Variants in NPAT observed in about 807,000 individuals in gnomAD.
NPAT encodes the protein nuclear protein, coactivator of histone transcription.
A neutral mutation model predicts 130.7 loss-of-function variants in NPAT; 52 were observed. The observed-to-expected ratio is 0.40, with a 90% CI of 0.32 to 0.50. The LOEUF (loss-of-function observed/expected upper bound fraction) is 0.50, where lower values mean the gene tolerates loss of function less well. Ranked by LOEUF, NPAT falls within the 20% of genes least tolerant of loss-of-function variation. The pLI, the probability that NPAT is intolerant of heterozygous loss-of-function variation, is 0.68. For missense variants in NPAT, 1,687 were observed against 1,662.6 expected (o/e 1.01, Z -0.26); for synonymous variants, 580 against 584.8 (o/e 0.99, Z 0.12).
At chr11:108,188,201 C>G (rs375359884) in intron 6 of NPAT, 22 bp from the exon 7 acceptor site, 1 of 1,574,558 alleles carries the variant, frequency 6.4e-7, no homozygotes, top group Non-Finnish European at 8.7e-7. Context: ...GAAAACATAA[C>G]AGTAAGCCAA....
At chr11:108,199,103 C>T (rs2078250835) in intron 1 of NPAT, among the ~76,000 whole-genome samples, 1 of 152,208 alleles carries the variant, frequency 6.6e-6, no homozygotes, top group Admixed American at 6.5e-5. Context: ...GCTCCCCTGC[C>T]ACCTCCGTTT....
chr11:108,162,273 A>T, intron 15 of NPAT, 93 bp from the exon 16 acceptor site: 1 of 1,144,948 alleles, frequency 8.7e-7, no homozygotes, highest in Non-Finnish European at 1.3e-6. Context: ...ATGAGAAAAA[A>T]TTTTAAATGG....
chr11:108,216,150 T>C lies in NPAT; in HGVS notation c.37+6350A>G, dbSNP rs557673126. 1.1e-4 allele frequency among the ~76,000 whole-genome samples: 16 copies of C among 152,364 alleles called. 1 individual carries two copies. Among genetic ancestry groups the C allele is most frequent in the African/African-American group, 3.6e-4 (15 of 41,584 alleles). On this transcript the variant is annotated intron_variant, in intron 1 of 17. Coordinates refer to ENST00000278612, the MANE Select transcript of NPAT (RefSeq NM_002519.3). Reference sequence around the variant, plus strand: ...GGACAGTTGGAGCTTTTTCCTCATATGCTTCAAGATTTAGATTGAACACCT... The same window carrying C: ...GGACAGTTGGAGCTTTTTCCTCATACGCTTCAAGATTTAGATTGAACACCT...
chr11:108,168,956 GC>G (rs1008361272), intron 15 of NPAT, among the ~76,000 whole-genome samples: 4 of 152,120 alleles, frequency 2.6e-5, no homozygotes, highest in African/African-American at 9.7e-5. Context: ...TATCCTTTGG[GC>G]AAAGGGGAGT....
In NPAT at chr11:108,176,306, T is replaced by C. The variant is rs2078005364; in HGVS notation, c.1072A>G (p.Ile358Val). Residue 358 changes from isoleucine to valine, a missense_variant, in exon 12 of 18, where the codon ATA becomes GTA. Physicochemically the swap from Ile to Val is conservative, Grantham distance 29. Around this residue, in one of 3 missense-constraint regions of NPAT, gnomAD observed 1,379 missense variants for 1,346.6 expected, o/e 1.02. Transcript: ENST00000278612. ...SSQPMESNPS[I>V]VLADETNLAV... Reference sequence around the variant, plus strand: ...AGATTAGTTTCATCTGCTAAGACTATACTGGGATTGGATTCCATAGGTTGA... The same window carrying C: ...AGATTAGTTTCATCTGCTAAGACTACACTGGGATTGGATTCCATAGGTTGA... The C allele has an allele frequency of 3.2e-6, 5 of 1,577,300 alleles. No individual in the cohort carries two copies. Among genetic ancestry groups the C allele is most frequent in the Non-Finnish European group, 4.4e-6 (5 of 1,146,674 alleles).
At chr11:108,169,592 T>C (rs1221173677) in intron 15 of NPAT, 152 bp downstream of exon 15, 2 of 668,384 alleles carry the variant, frequency 3.0e-6, no homozygotes, top group Admixed American at 4.6e-5. Flanking sequence ...TCAGTAACAG[T>C]TGGCTGCATT....
At chr11:108,200,152 T>C (rs759789057) in intron 1 of NPAT, among the ~76,000 whole-genome samples, 11 of 152,182 alleles carry the variant, frequency 7.2e-5, no homozygotes, top group African/African-American at 1.7e-4. Context: ...TGCGTTTAAG[T>C]TGTTTCCGCC....
chr11:108,205,622 T>C (rs1439649101), intron 1 of NPAT, among the ~76,000 whole-genome samples: 1 of 152,196 alleles, frequency 6.6e-6, no homozygotes, highest in Non-Finnish European at 1.5e-5. Context: ...TTAAAAATTG[T>C]ATGTTATCAA....
chr11:108,162,046 C>A (rs750726268), intron 16 of NPAT, 32 bp from the exon 17 acceptor site: 2 of 1,609,806 alleles, frequency 1.2e-6, no homozygotes, highest in Non-Finnish European at 1.7e-6. Flanking sequence ...CTATTTCTAG[C>A]AGCATAAAGA....
intron 2 of NPAT, among the ~76,000 whole-genome samples, chr11:108,196,772 A>C (rs920918024): frequency 1.3e-5 from 2 of 152,216 alleles, no homozygotes; most frequent in African/African-American, 2.4e-5. Context: ...GACCCTGCTT[A>C]ACTTTAGTTT....
rs1285297208 is a variant in NPAT, at chr11:108,159,025, G to C, written c.4207-6C>G. Reference sequence around the variant, plus strand: ...GAACTGGGAAGCTTCTTTTTCTGTTGAAAAAGAGAAAGAAAAAATAAACTC... The same window carrying C: ...GAACTGGGAAGCTTCTTTTTCTGTTCAAAAAGAGAAAGAAAAAATAAACTC... On this transcript the variant is annotated splice_polypyrimidine_tract_variant and splice_region_variant and intron_variant, in intron 17 of 17. Coordinates refer to ENST00000278612, the MANE Select transcript of NPAT (RefSeq NM_002519.3). 1.3e-6 allele frequency: 2 copies of C among 1,589,584 alleles called. No homozygotes were observed. Among genetic ancestry groups the C allele is most frequent in the Non-Finnish European group, 1.7e-6 (2 of 1,164,250 alleles).
In NPAT at chr11:108,158,707, G is replaced by T; in HGVS notation, c.*235C>A. 2.2e-6 allele frequency: 1 copy of T among 448,688 alleles called. No homozygotes were observed. Among genetic ancestry groups the T allele is most frequent in the East Asian group, 4.4e-5 (1 of 22,644 alleles). 27.8% of individuals were successfully genotyped at this position (448,688 alleles called of 1,614,324 possible). The stretch of plus-strand genomic sequence containing the variant: ...ATTGTCAAAGCTATACAGTTTTGCA[G>T]ATTGGCTTTACTTACATTTCTGCAA... On this transcript the variant is annotated 3_prime_UTR_variant, in exon 18 of 18. Transcript: ENST00000278612.
rs560464140 is a variant in NPAT, at chr11:108,200,063, TGA to T, written c.38-2645_38-2644del. Among the ~76,000 whole-genome samples the T allele has an allele frequency of 1.1e-4, 17 of 152,358 alleles. No individual in the cohort carries two copies. The South Asian group carries it at 1.9e-3, about 17-fold the overall frequency. On this transcript the variant is annotated intron_variant, in intron 1 of 17. Coordinates refer to ENST00000278612, the MANE Select transcript of NPAT (RefSeq NM_002519.3). ...TTAGAAGCAAGAAGGATGCAATGAC[TGA>T]GAGTTTTCTTTCCCCTGTTGAAGGA...
rs1430204339 is a variant in NPAT at position 108,189,195 on chromosome 11, T to C, written c.467A>G (p.Gln156Arg). The C allele has an allele frequency of 6.2e-7, 1 of 1,614,192 alleles. No homozygotes were observed. The highest frequency in any genetic ancestry group is 1.7e-5 in the Admixed American group (1 of 60,016). ...QFTTPPSTGT[Q>R]VTRPSGQISD... Reference sequence around the variant, plus strand: ...AATTTGGCCACTTGGTCGAGTAACCTGTGTACCTGTGGAAGGAGGAGTGGT... The same window carrying C: ...AATTTGGCCACTTGGTCGAGTAACCCGTGTACCTGTGGAAGGAGGAGTGGT... The change falls in exon 6 of 18, where the codon CAG (glutamine) becomes CGG (arginine). Residue 156 changes from glutamine to arginine, a missense_variant. Around this residue, in one of 3 missense-constraint regions of NPAT, gnomAD observed 307 missense variants for 298.9 expected, o/e 1.03. Coordinates refer to ENST00000278612, the MANE Select transcript of NPAT (RefSeq NM_002519.3).
chr11:108,208,926 T>G (rs989655851), intron 1 of NPAT, among the ~76,000 whole-genome samples: 6 of 152,156 alleles, frequency 3.9e-5, no homozygotes, highest in African/African-American at 1.4e-4. Flanking sequence ...TGTCAATAAA[T>G]TTATGAGATG....
chr11:108,190,312 CAAAAAAAAAAAAAAA>C (rs71047681), intron 5 of NPAT, 133 bp downstream of exon 5: 14 of 342,726 alleles, frequency 4.1e-5, no homozygotes, highest in Non-Finnish European at 7.0e-5. Flanking sequence ...GACACTGTCT[CAAAAAAAAAAAAAAA>C]AAAAAAAAAA....
At chr11:108,214,807 A>G (rs2078418136) in intron 1 of NPAT, among the ~76,000 whole-genome samples, 1 of 151,868 alleles carries the variant, frequency 6.6e-6, no homozygotes, top group Non-Finnish European at 1.5e-5. Flanking sequence ...TAATTTTTAT[A>G]TTTTTAGTAG....
intron 1 of NPAT, among the ~76,000 whole-genome samples, chr11:108,201,749 T>A (rs531979361): frequency 6.6e-6 from 1 of 152,288 alleles, no homozygotes; most frequent in East Asian, 1.9e-4. Flanking sequence ...TGGATGACCA[T>A]CTCCTCAAAT....
Position 108,173,659 on chromosome 11 carries a change from A to G in NPAT, c.1325T>C (p.Ile442Thr). 6.2e-7 allele frequency: 1 copy of G among 1,614,192 alleles called. No homozygotes were observed. Among genetic ancestry groups the G allele is most frequent in the Non-Finnish European group, 8.5e-7 (1 of 1,180,036 alleles). Residue 442 changes from isoleucine (I) to threonine (T), a missense_variant, in exon 13 of 18, where the codon ATT becomes ACT. Physicochemically the swap from Ile to Thr is moderately conservative, Grantham distance 89. Around this residue, in one of 3 missense-constraint regions of NPAT, gnomAD observed 1,379 missense variants for 1,346.6 expected, o/e 1.02. Transcript: ENST00000278612. ...VPTEQKCDID[I>T]TFESVPNLND... ...CAAATTAGGCACGGACTCAAAGGTA[A>G]TGTCAATGTCACACTTCTGTTCAGT...
Sources: gnomAD v4.1 joint callset for allele counts (sites outside exome capture counted in the v4.1 genomes callset) on GRCh38, gnomAD v4.1.1 for gene constraint, gnomAD v4.1.1 regional missense constraint, MANE v1.5 for transcripts, NCBI Gene and HGNC (gene_info 2026-07-23, HGNC 2026-07-21) for gene names.